Variants in LGR6 observed in about 807,000 individuals in gnomAD.
The protein encoded by LGR6 is leucine rich repeat containing G protein-coupled receptor 6.
LGR6 carries 45 observed loss-of-function variants against 69.4 expected under a neutral mutation model. The observed-to-expected ratio is 0.65, with a 90% CI of 0.51 to 0.83. The LOEUF is 0.83. LGR6 is among the 40% of genes least tolerant of loss of function. The pLI, the probability that LGR6 is intolerant of heterozygous loss-of-function variation, is 0.00. For missense variants in LGR6, 1,108 were observed against 1,246.7 expected (o/e 0.89, Z 1.68); for synonymous variants, 538 against 555.0 (o/e 0.97, Z 0.43).
At chr1:202,280,902 C>G (rs1406357399) in intron 6 of LGR6, 50 bp downstream of exon 6, 1 of 1,547,424 alleles carries the variant, frequency 6.5e-7, no homozygotes, top group Non-Finnish European at 8.9e-7. Flanking sequence ...TGATGAAAGC[C>G]TGGAGTCTTG....
chr1:202,315,124 A>C (rs1654047655), intron 17 of LGR6, among the ~76,000 whole-genome samples: 1 of 152,214 alleles, frequency 6.6e-6, no homozygotes, highest in Non-Finnish European at 1.5e-5. Context: ...GCCAATTAGC[A>C]TTTATGCATC....
intron 7 of LGR6, among the ~76,000 whole-genome samples, 179 bp from the exon 8 acceptor site, chr1:202,300,670 A>G (rs544863774): frequency 2.2e-4 from 33 of 152,012 alleles, no homozygotes; most frequent in Middle Eastern, 3.4e-3. Context: ...AAAAAAAAAA[A>G]AAAGAAAGAA....
intron 3 of LGR6, among the ~76,000 whole-genome samples, chr1:202,234,297 T>C (rs765576211): frequency 3.3e-5 from 5 of 152,244 alleles, no homozygotes; most frequent in Non-Finnish European, 7.3e-5. Context: ...TTGTTCTTTG[T>C]TCTCCCTTCT....
Position 202,319,542 on chromosome 1 carries a change from A to G in LGR6, c.*335A>G, listed in dbSNP as rs1005189104. On this transcript the variant is annotated 3_prime_UTR_variant, in exon 18 of 18. Coordinates refer to ENST00000367278, the MANE Select transcript of LGR6 (RefSeq NM_001017403.2). ...GAAGGGGTGGAGGGTTGATCAGGGCACAGTGGACAGGGAGACCTCACAGAG... is the reference window on the plus strand; with the variant it reads ...GAAGGGGTGGAGGGTTGATCAGGGCGCAGTGGACAGGGAGACCTCACAGAG... 10 of 249,138 alleles carry G rather than the reference A, an allele frequency of 4.0e-5. No individual in the cohort carries two copies. The highest frequency in any genetic ancestry group is 7.7e-5 in the Non-Finnish European group (10 of 129,758). The allele number at this position is 249,138 out of a possible 1,614,324, so 15.4% of individuals were successfully genotyped here.
chr1:202,228,037 G>A, intron 3 of LGR6, 30 bp downstream of exon 3: 1 of 1,485,116 alleles, frequency 6.7e-7, no homozygotes, highest in South Asian at 1.1e-5. Context: ...ATTTTACATA[G>A]AGCTGCAGCA....
chr1:202,243,859 TG>T (rs1662411286), intron 4 of LGR6, among the ~76,000 whole-genome samples: 1 of 152,166 alleles, frequency 6.6e-6, no homozygotes, highest in Admixed American at 6.5e-5. Context: ...GAAGACATCA[TG>T]GGGTTGGTGG....
At chr1:202,197,152 C>T (rs1397970861) in intron 1 of LGR6, 4 of 517,548 alleles carry the variant, frequency 7.7e-6, no homozygotes, top group Non-Finnish European at 1.6e-5. Context: ...GACCTGGTCT[C>T]AATAAAAATG....
Position 202,302,048 on chromosome 1 carries a change from G to A in LGR6, c.929+813G>A, listed in dbSNP as rs528804305. Among the ~76,000 whole-genome samples, 104 of 152,138 alleles carry A rather than the reference G, an allele frequency of 6.8e-4. 1 individual carries two copies. Among genetic ancestry groups the A allele is most frequent in the Admixed American group, 2.0e-3 (30 of 15,286 alleles). Reference sequence around the variant, plus strand: ...ATAAAAATACAAAAATTAGCCGGACGTGGTGGTGCATGCCTGTAGTCCCAG... The same window carrying A: ...ATAAAAATACAAAAATTAGCCGGACATGGTGGTGCATGCCTGTAGTCCCAG... On this transcript the variant is annotated intron_variant, in intron 9 of 17. Transcript: ENST00000367278.
At chr1:202,279,687 AT>A (rs1280786222) in intron 5 of LGR6, among the ~76,000 whole-genome samples, 4 of 152,134 alleles carry the variant, frequency 2.6e-5, no homozygotes, top group Non-Finnish European at 5.9e-5. Flanking sequence ...AACATCAATT[AT>A]GTTTGTGTTA....
intron 4 of LGR6, among the ~76,000 whole-genome samples, chr1:202,273,497 G>A (rs1350594865): frequency 1.3e-5 from 2 of 148,802 alleles, no homozygotes; most frequent in Non-Finnish European, 3.0e-5. Context: ...CGCTCTTGTC[G>A]CCCAGGCTGG....
chr1:202,241,645 G>A (rs571546965), intron 4 of LGR6, among the ~76,000 whole-genome samples: 41 of 151,692 alleles, frequency 2.7e-4, no homozygotes, highest in African/African-American at 8.5e-4. Context: ...AGAGCCTGGG[G>A]GAAAATAGAA....
rs558130581 is a variant in LGR6, at chr1:202,268,855, T to G, written c.429-7451T>G. On this transcript the variant is annotated intron_variant, in intron 4 of 17. Coordinates refer to ENST00000367278, the MANE Select transcript of LGR6 (RefSeq NM_001017403.2). This position sits in a 1 kb window ranked among gnomAD's most constrained non-coding sequence, Gnocchi z 4.4. ...ACCTGTGTGGTTGCCAGGGCCCTGA[T>G]AGCAGAAGGGGCCTGTACCTGGTTT... Among the ~76,000 whole-genome samples, 1 of 152,206 alleles carries G rather than the reference T, an allele frequency of 6.6e-6. No individual in the cohort carries two copies. Among genetic ancestry groups the G allele is most frequent in the Non-Finnish European group, 1.5e-5 (1 of 68,038 alleles).
At chr1:202,218,818 A>G (rs2147934114) in intron 1 of LGR6, among the ~76,000 whole-genome samples, 1 of 152,242 alleles carries the variant, frequency 6.6e-6, no homozygotes. Context: ...CATGGTCTAG[A>G]ACCTAATTGG....
intron 4 of LGR6, among the ~76,000 whole-genome samples, chr1:202,254,075 G>A (rs1663544357): frequency 6.6e-6 from 1 of 152,038 alleles, no homozygotes; most frequent in Admixed American, 6.6e-5. Context: ...AAAGTGCTGG[G>A]ATTACAGGCG....
At chr1:202,267,574 T>G (rs575753978) in intron 4 of LGR6, among the ~76,000 whole-genome samples, 21 of 152,264 alleles carry the variant, frequency 1.4e-4, no homozygotes, top group African/African-American at 4.1e-4. Context: ...GACCAATGGC[T>G]TCATTCCTCT....
chr1:202,294,844 G>T (rs1026187276), intron 6 of LGR6, among the ~76,000 whole-genome samples: 1 of 152,178 alleles, frequency 6.6e-6, no homozygotes, highest in Non-Finnish European at 1.5e-5. Context: ...GCAAATGAGA[G>T]GATATGCTAT....
At chr1:202,291,701 G>A (rs1222449496) in intron 6 of LGR6, among the ~76,000 whole-genome samples, 1 of 152,154 alleles carries the variant, frequency 6.6e-6, no homozygotes, top group Non-Finnish European at 1.5e-5. Context: ...TACTAGCTGT[G>A]GAACTGTGGT....
intron 14 of LGR6, 74 bp downstream of exon 14, chr1:202,307,475 A>G (rs1653338245): frequency 1.6e-6 from 2 of 1,276,078 alleles, no homozygotes; most frequent in Admixed American, 3.4e-5. Flanking sequence ...TGGAGGCAGA[A>G]GGGCCACCCC....
In LGR6 at chr1:202,218,837, C is replaced by A. The variant is rs192070771; in HGVS notation, c.213-6586C>A. Among the ~76,000 whole-genome samples, 23 of 152,290 alleles carry A rather than the reference C, an allele frequency of 1.5e-4. No homozygotes were observed. The East Asian group carries it at 4.3e-3, about 28-fold the overall frequency. ...GTCTAGAACCTAATTGGGAGGGCTG[C>A]AGAGCAGTTTGTAAACTACAAAGCG... is the stretch of plus-strand genomic sequence containing the variant. On this transcript the variant is annotated intron_variant, in intron 1 of 17. Coordinates refer to ENST00000367278, the MANE Select transcript of LGR6 (RefSeq NM_001017403.2).
Sources: gnomAD v4.1 joint callset for allele counts (sites outside exome capture counted in the v4.1 genomes callset) on GRCh38, gnomAD v4.1.1 for gene constraint, Gnocchi (gnomAD v3.1) non-coding constraint, MANE v1.5 for transcripts, NCBI Gene and HGNC (gene_info 2026-07-23, HGNC 2026-07-21) for gene names.